GPC6: variants seen among roughly 807,000 people sequenced by gnomAD.
GPC6 encodes the protein glypican 6.
In GPC6, 14 loss-of-function variants were observed where a neutral mutation model predicts 55.2. That is an observed-to-expected ratio of 0.25 (90% CI 0.17 to 0.40). GPC6 has a LOEUF of 0.40. Among genes scored for constraint, GPC6 ranks in the 10% least tolerant of loss-of-function variants. GPC6 has a pLI of 1.00. For synonymous variants in GPC6, 278 were observed against 259.6 expected (o/e 1.07, Z -0.68); for missense variants, 641 against 708.5 (o/e 0.90, Z 1.08).
At chr13:93,408,398 G>T (rs1250304250) in intron 1 of GPC6, among the ~76,000 whole-genome samples, 1 of 152,138 alleles carries the variant, frequency 6.6e-6, no homozygotes, top group Non-Finnish European at 1.5e-5. Context: ...AGTCCCATGT[G>T]GGTGTTCATT....
At chr13:94,362,216 C>T (rs1879086323) in intron 6 of GPC6, among the ~76,000 whole-genome samples, 1 of 152,048 alleles carries the variant, frequency 6.6e-6, no homozygotes, top group Non-Finnish European at 1.5e-5. Context: ...AAGGACCTAT[C>T]GGGGGAAATT....
chr13:93,604,312 A>G (rs1485609911), intron 2 of GPC6, among the ~76,000 whole-genome samples: 1 of 152,198 alleles, frequency 6.6e-6, no homozygotes, highest in Non-Finnish European at 1.5e-5. Flanking sequence ...CTCATTCGAC[A>G]GATAGCTATT....
At chr13:94,396,932 C>T (rs1009041886) in intron 7 of GPC6, among the ~76,000 whole-genome samples, 14 of 152,164 alleles carry the variant, frequency 9.2e-5, no homozygotes, top group Admixed American at 9.2e-4. Context: ...CTTATTCTCA[C>T]TAAGCCTCAG....
At chr13:93,479,608 A>AC (rs35932826) in intron 1 of GPC6, among the ~76,000 whole-genome samples, 36,723 of 140,836 alleles carry the variant, frequency 0.26, 4,695 homozygotes, top group East Asian at 0.38. Context: ...ACGTGGTGAG[A>AC]CCCCCCCCCA....
intron 4 of GPC6, among the ~76,000 whole-genome samples, chr13:94,173,389 G>A (rs1385819483): frequency 6.6e-6 from 1 of 152,168 alleles, no homozygotes; most frequent in Non-Finnish European, 1.5e-5. Context: ...GTTAGGACGT[G>A]TACAGATGGA....
intron 8 of GPC6, among the ~76,000 whole-genome samples, chr13:94,401,616 C>G (rs910048616): frequency 6.7e-6 from 1 of 149,860 alleles, no homozygotes; most frequent in Non-Finnish European, 1.5e-5. Flanking sequence ...GTCTCTGCCA[C>G]CACTACCCCA....
At chr13:94,023,829 T>A (rs531242751) in intron 3 of GPC6, among the ~76,000 whole-genome samples, 1 of 151,956 alleles carries the variant, frequency 6.6e-6, no homozygotes, top group Admixed American at 6.6e-5. Context: ...ATGCAACAAG[T>A]TGGATGGACC....
chr13:93,269,277 G>A (rs1877428707), intron 1 of GPC6, among the ~76,000 whole-genome samples: 1 of 152,094 alleles, frequency 6.6e-6, no homozygotes, highest in Non-Finnish European at 1.5e-5. Context: ...GGTTCTATTA[G>A]TGAAAACACA....
intron 3 of GPC6, among the ~76,000 whole-genome samples, chr13:93,986,902 T>G (rs1881056229): frequency 1.3e-5 from 2 of 152,186 alleles, no homozygotes; most frequent in South Asian, 4.1e-4. Flanking sequence ...TCTCAAAATA[T>G]AGTACTGATA....
intron 1 of GPC6, among the ~76,000 whole-genome samples, chr13:93,240,497 G>A (rs1349543316): frequency 6.6e-6 from 1 of 151,866 alleles, no homozygotes; most frequent in South Asian, 2.1e-4. Context: ...GGAATATTTT[G>A]TTCCACTCCT....
intron 4 of GPC6, among the ~76,000 whole-genome samples, chr13:94,149,634 A>G (rs1887669875): frequency 6.6e-6 from 1 of 152,138 alleles, no homozygotes; most frequent in African/African-American, 2.4e-5. Flanking sequence ...TTTCCTAATA[A>G]GAGGACCAAG....
intron 3 of GPC6, among the ~76,000 whole-genome samples, chr13:93,910,908 C>G (rs1876939612): frequency 1.3e-5 from 2 of 152,164 alleles, no homozygotes; most frequent in African/African-American, 2.4e-5. Flanking sequence ...GATCACAGTT[C>G]TCATAACAGA....
chr13:94,046,626 T>A (rs1183001694), intron 4 of GPC6, among the ~76,000 whole-genome samples: 1 of 152,118 alleles, frequency 6.6e-6, no homozygotes, highest in Non-Finnish European at 1.5e-5. Flanking sequence ...TCACTTTTAT[T>A]TCTTATAACA....
At chr13:93,307,912 A>T (rs1037401820) in intron 1 of GPC6, among the ~76,000 whole-genome samples, 1 of 152,188 alleles carries the variant, frequency 6.6e-6, no homozygotes, top group African/African-American at 2.4e-5. Flanking sequence ...TTACAAACAT[A>T]TTGTACACTG....
intron 1 of GPC6, among the ~76,000 whole-genome samples, chr13:93,238,374 A>G (rs1876312689): frequency 6.6e-6 from 1 of 152,056 alleles, no homozygotes; most frequent in Non-Finnish European, 1.5e-5. Flanking sequence ...TTTGATTCTA[A>G]GCTTGGTCAT....
At chr13:93,772,919 A>G (rs1885349183) in intron 2 of GPC6, among the ~76,000 whole-genome samples, 1 of 152,112 alleles carries the variant, frequency 6.6e-6, no homozygotes. Flanking sequence ...AAGGATGGAT[A>G]AAGTGCTAGG....
intron 4 of GPC6, among the ~76,000 whole-genome samples, chr13:94,195,887 C>T (rs896184899): frequency 6.6e-6 from 1 of 152,198 alleles, no homozygotes; most frequent in Non-Finnish European, 1.5e-5. Context: ...GGGGAACCCA[C>T]AGTACCATAG....
chr13:94,075,109 G>C (rs1240370849), intron 4 of GPC6, among the ~76,000 whole-genome samples: 1 of 152,082 alleles, frequency 6.6e-6, no homozygotes. Context: ...TGTGATAGTA[G>C]CTATACACAA....
intron 2 of GPC6, among the ~76,000 whole-genome samples, chr13:93,613,531 ACACAC>A (rs1369424303): frequency 2.6e-4 from 11 of 42,492 alleles, no homozygotes; most frequent in Admixed American, 3.2e-4. Context: ...CACACACAAA[ACACAC>A]ACACACACAC....
Sources: gnomAD v4.1 joint callset for allele counts (sites outside exome capture counted in the v4.1 genomes callset) on GRCh38, gnomAD v4.1.1 for gene constraint, MANE v1.5 for transcripts, NCBI Gene and HGNC (gene_info 2026-07-23, HGNC 2026-07-21) for gene names.